Variants in ZNF492 observed in about 807,000 individuals in gnomAD.
The protein encoded by ZNF492 is zinc finger protein 115 (Y20).
A neutral mutation model predicts 6.4 loss-of-function variants in ZNF492; 3 were observed. The ratio of observed to expected loss-of-function variants is 0.47; its 90% confidence interval spans 0.21 to 1.22. The LOEUF is 1.22. Ranked by LOEUF, ZNF492 falls within the 50% of genes most tolerant of loss-of-function variation. ZNF492 has a pLI of 0.22. For missense variants in ZNF492, 356 were observed against 612.5 expected (o/e 0.58, Z 4.42); for synonymous variants, 112 against 205.3 (o/e 0.55, Z 3.89).
At chr19:22,640,324 G>A (rs190139560) in intron 1 of ZNF492, among the ~76,000 whole-genome samples, 232 of 152,146 alleles carry the variant, frequency 1.5e-3, no homozygotes, top group Non-Finnish European at 2.9e-3. Flanking sequence ...ACCACGCTCG[G>A]CTAATTTTTG....
chr19:22,655,990 A>G (rs926536146), intron 3 of ZNF492, among the ~76,000 whole-genome samples: 3 of 141,308 alleles, frequency 2.1e-5, no homozygotes, highest in Admixed American at 7.1e-5. Context: ...ATGCCTGGCT[A>G]ATTTTTATAT....
Position 22,665,479 on chromosome 19 carries a change from T to A in ZNF492, c.*214T>A. 3.1e-6 allele frequency: 3 copies of A among 967,900 alleles called. No homozygotes were observed. Among genetic ancestry groups the A allele is most frequent in the Admixed American group, 3.4e-5 (1 of 29,112 alleles). The allele number at this position is 967,900 out of a possible 1,614,324, so 60.0% of individuals were successfully genotyped here. A position where few individuals can be genotyped will look rare whatever the true frequency, so the allele number is the denominator to read the frequency against. On this transcript the variant is annotated 3_prime_UTR_variant, in exon 4 of 4. Coordinates refer to ENST00000456783, the MANE Select transcript of ZNF492 (RefSeq NM_020855.3). ...AAAGTGATTAATATCTGTGCACATC[T>A]TATTCAACATCAGAGTTTATATTAA...
intron 1 of ZNF492, among the ~76,000 whole-genome samples, chr19:22,637,267 G>A (rs555240384): frequency 2.7e-4 from 41 of 152,138 alleles, no homozygotes; most frequent in African/African-American, 9.9e-4. Flanking sequence ...GTGAGCCATT[G>A]CACCCGGCCT....
chr19:22,649,880 G>A (rs1317967091), intron 1 of ZNF492, among the ~76,000 whole-genome samples: 1 of 152,010 alleles, frequency 6.6e-6, no homozygotes, highest in African/African-American at 2.4e-5. Context: ...TTTTGCATTT[G>A]GTTAGAACAT....
chr19:22,648,462 C>A (rs1259855481), intron 1 of ZNF492, among the ~76,000 whole-genome samples: 4 of 152,184 alleles, frequency 2.6e-5, no homozygotes, highest in Admixed American at 6.5e-5. Context: ...CCTATTAGGT[C>A]CACTTGATCC....
At chr19:22,657,778 T>G (rs544403897) in intron 3 of ZNF492, among the ~76,000 whole-genome samples, 368 of 152,268 alleles carry the variant, frequency 2.4e-3, no homozygotes, top group Middle Eastern at 6.8e-3. Flanking sequence ...AGTCGGTGTG[T>G]GGTTTAAGAG....
chr19:22,654,331 C>T (rs1045083619), intron 3 of ZNF492, among the ~76,000 whole-genome samples: 3 of 152,072 alleles, frequency 2.0e-5, no homozygotes, highest in Non-Finnish European at 2.9e-5. Context: ...CGTAGATAAT[C>T]TGCATAATTT....
intron 1 of ZNF492, among the ~76,000 whole-genome samples, chr19:22,638,641 T>G (rs2145241575): frequency 6.6e-6 from 1 of 152,304 alleles, no homozygotes; most frequent in Non-Finnish European, 1.5e-5. Flanking sequence ...TGAATTCAGG[T>G]AATGTAATGA....
chr19:22,640,093 A>G (rs1339364038), intron 1 of ZNF492, among the ~76,000 whole-genome samples: 2 of 152,006 alleles, frequency 1.3e-5, no homozygotes, highest in African/African-American at 2.4e-5. Context: ...TTCTGCATCT[A>G]TTGACATACT....
chr19:22,658,082 T>G (rs1447291270), intron 3 of ZNF492, among the ~76,000 whole-genome samples: 1 of 152,130 alleles, frequency 6.6e-6, no homozygotes, highest in Non-Finnish European at 1.5e-5. Flanking sequence ...AAAAAACAAT[T>G]GTATAAACAT....
chr19:22,643,297 T>A (rs1169492006), intron 1 of ZNF492, among the ~76,000 whole-genome samples: 2 of 151,986 alleles, frequency 1.3e-5, no homozygotes, highest in African/African-American at 2.4e-5. Context: ...ATAAAAAAAA[T>A]AAATAAGTGC....
intron 3 of ZNF492, among the ~76,000 whole-genome samples, chr19:22,656,971 A>C (rs1972002779): frequency 6.6e-6 from 1 of 152,100 alleles, no homozygotes; most frequent in Admixed American, 6.5e-5. Context: ...TCATAAAGGC[A>C]TTTTTGTCAG....
rs1226765775 is a variant in ZNF492 at position 22,667,348 on chromosome 19, T to C, written c.*2083T>C. On this transcript the variant is annotated 3_prime_UTR_variant, in exon 4 of 4. Transcript: ENST00000456783. ...GGCTTTAAACTGCAAATAAGGAATGTTGTTTCTGTAGGTAAAATTTTTATT... is the reference window on the plus strand; with the variant it reads ...GGCTTTAAACTGCAAATAAGGAATGCTGTTTCTGTAGGTAAAATTTTTATT... The C allele has an allele frequency of 2.6e-5, 4 of 152,216 alleles. No homozygotes were observed. The allele number at this position is 152,216 out of a possible 1,614,324, so 9.4% of individuals were successfully genotyped here.
In ZNF492 at chr19:22,664,084, A is replaced by G. The variant is rs1972090091; in HGVS notation, c.415A>G (p.Lys139Glu). 6.2e-7 allele frequency: 1 copy of G among 1,604,090 alleles called. No homozygotes were observed. The highest frequency in any genetic ancestry group is 1.3e-5 in the African/African-American group (1 of 74,734). The change falls in exon 4 of 4, where the codon AAA becomes GAA. Residue 139 changes from lysine to glutamate, a missense_variant. Lys to Glu is a moderately conservative substitution (Grantham distance 56). Around this residue, in one of 7 missense-constraint regions of ZNF492, gnomAD observed 196 missense variants for 219.4 expected, o/e 0.89. Coordinates refer to ENST00000456783, the MANE Select transcript of ZNF492 (RefSeq NM_020855.3). ...ACATACGATAAGACATACTGGAAAG[A>G]AATCTTTCAAATGTAAAGAATGTGA... The part of the protein sequence containing the change: ...NRHTIRHTGK[K>E]SFKCKECEKS...
At position 22,667,451 on chromosome 19, in the gene ZNF492, T is replaced by A. The variant is rs1972142970; in HGVS notation, c.*2186T>A. ...TTATGTTATATATGGCATATTCTGA[T>A]AAGAGGCATACAATATGTAATAATC... On this transcript the variant is annotated 3_prime_UTR_variant, in exon 4 of 4. Transcript: ENST00000456783. 6.6e-6 allele frequency: 1 copy of A among 152,090 alleles called. No individual in the cohort carries two copies. The allele number at this position is 152,090 out of a possible 1,614,324, so 9.4% of individuals were successfully genotyped here. A position where few individuals can be genotyped will look rare whatever the true frequency, so the allele number is the denominator to read the frequency against.
rs988115341 is a variant in ZNF492 at position 22,666,228 on chromosome 19, C to G, written c.*963C>G. 5 of 149,222 alleles carry G rather than the reference C, an allele frequency of 3.4e-5. No individual in the cohort carries two copies. Among genetic ancestry groups the G allele is most frequent in the East Asian group, 1.9e-4 (1 of 5,132 alleles). 9.2% of individuals were successfully genotyped at this position (149,222 alleles called of 1,614,324 possible). A position where few individuals can be genotyped will look rare whatever the true frequency, so the allele number is the denominator to read the frequency against. Reference sequence around the variant, plus strand: ...TTTAGATGGAGTCTTGCTCTATCGCCCCCCCAGGCTGGAGTACAGTGGCAC... The same window carrying G: ...TTTAGATGGAGTCTTGCTCTATCGCGCCCCCAGGCTGGAGTACAGTGGCAC... On this transcript the variant is annotated 3_prime_UTR_variant, in exon 4 of 4. Transcript: ENST00000456783.
chr19:22,643,530 C>T lies in ZNF492; in HGVS notation c.-94+9056C>T, dbSNP rs1384561801. 1.3e-5 allele frequency among the ~76,000 whole-genome samples: 2 copies of T among 152,122 alleles called. 1 individual carries two copies. The highest frequency in any genetic ancestry group is 2.9e-5 in the Non-Finnish European group (2 of 68,028). On this transcript the variant is annotated intron_variant, in intron 1 of 3. Transcript: ENST00000456783. ...GAGCATCATCAGCATTGACAGGGGA[C>T]TTATTTAAAACACCCATTCATGGAC... is the stretch of plus-strand genomic sequence containing the variant.
chr19:22,653,671 C>T (rs1271121280), intron 2 of ZNF492, among the ~76,000 whole-genome samples: 7 of 152,042 alleles, frequency 4.6e-5, no homozygotes, highest in African/African-American at 1.5e-4. Flanking sequence ...AATTTAGTGG[C>T]ATAACGTACT....
In ZNF492 at chr19:22,665,539, C is replaced by A. The variant is rs56703084; in HGVS notation, c.*274C>A. On this transcript the variant is annotated 3_prime_UTR_variant, in exon 4 of 4. Coordinates refer to ENST00000456783, the MANE Select transcript of ZNF492 (RefSeq NM_020855.3). ...AAGTGCAATTACTGTCAAAAGAGTT[C>A]AAAAAATAAGCATTTAAAGTGCTGA... 14,501 of 517,046 alleles carry A rather than the reference C, an allele frequency of 0.028. 227 individuals are homozygous for A. Among genetic ancestry groups the A allele is most frequent in the East Asian group, 0.063 (1,446 of 22,772 alleles). The allele number at this position is 517,046 out of a possible 1,614,324, so 32.0% of individuals were successfully genotyped here. A position where few individuals can be genotyped will look rare whatever the true frequency, so the allele number is the denominator to read the frequency against.
Sources: allele counts gnomAD v4.1 joint callset (sites outside exome capture counted in the v4.1 genomes callset), GRCh38; gene constraint gnomAD v4.1.1; regional missense constraint gnomAD v4.1.1; transcripts MANE v1.5; gene names NCBI Gene and HGNC (gene_info 2026-07-23, HGNC 2026-07-21).